CLMN: variants seen among roughly 807,000 people sequenced by gnomAD.
CLMN encodes the protein calmin.
A neutral mutation model predicts 92.7 loss-of-function variants in CLMN; 57 were observed. The observed-to-expected ratio is 0.61, with a 90% confidence interval of 0.50 to 0.77. The LOEUF (loss-of-function observed/expected upper bound fraction) is 0.77. Among genes scored for constraint, CLMN ranks in the 30% least tolerant of loss-of-function variants. The probability of loss-of-function intolerance (pLI) is 0.00; values close to 1 mark genes in which losing one functional copy is unlikely to be tolerated. For synonymous variants in CLMN, 466 were observed against 470.6 expected, an observed-to-expected ratio of 0.99 and a Z score of 0.13; for missense variants, 1,158 against 1,237.5, an observed-to-expected ratio of 0.94 and a Z score of 0.96.
rs1566877783 is a variant in CLMN at position 95,223,849 on chromosome 14, G to C, written c.151C>G (p.Pro51Ala). ...WINLHLEKCN[P>A]PLEVKDLFVD... ...AATAAATCTTTAACTTCTAGAGGTG[G>C]GTTGCACTTTGAAAGAGAAGGGAAG... Residue 51 changes from proline (P) to alanine (A), a missense_variant, in exon 3 of 13, where the codon CCA (proline) becomes GCA (alanine). Transcript: ENST00000298912. The C allele has an allele frequency of 6.2e-7, 1 of 1,610,680 alleles. No individual in the cohort carries two copies.
At chr14:95,282,954 G>C (rs1427453149) in intron 1 of CLMN, among the ~76,000 whole-genome samples, 2 of 152,224 alleles carry the variant, frequency 1.3e-5, no homozygotes, top group South Asian at 2.1e-4. Context: ...GACTGGGGAG[G>C]GGGAGGGACT....
intron 2 of CLMN, among the ~76,000 whole-genome samples, chr14:95,228,783 T>C (rs1469386995): frequency 1.3e-5 from 2 of 152,208 alleles, no homozygotes; most frequent in Non-Finnish European, 2.9e-5. Flanking sequence ...CAAGCGATTC[T>C]CCAGTCTCAG....
chr14:95,276,965 A>T (rs1191587749), intron 1 of CLMN, among the ~76,000 whole-genome samples: 1 of 149,910 alleles, frequency 6.7e-6, no homozygotes, highest in African/African-American at 2.5e-5. Flanking sequence ...TTTGGGTAAC[A>T]TGGCTTGGCC....
At chr14:95,242,857 A>T (rs777003222) in intron 1 of CLMN, among the ~76,000 whole-genome samples, 15 of 152,268 alleles carry the variant, frequency 9.9e-5, no homozygotes, top group East Asian at 9.6e-4. Flanking sequence ...ATGAGCCACC[A>T]CGCCCAGCCT....
chr14:95,196,468 C>G (rs200436718), intron 10 of CLMN, 30 bp downstream of exon 10: 5 of 1,592,520 alleles, frequency 3.1e-6, no homozygotes, highest in Non-Finnish European at 4.3e-6. Context: ...CTGGCTCCAC[C>G]TTACGGGTGA....
At chr14:95,224,103 G>A (rs1897635647) in intron 2 of CLMN, among the ~76,000 whole-genome samples, 1 of 152,204 alleles carries the variant, frequency 6.6e-6, no homozygotes, top group South Asian at 2.1e-4. Context: ...ATCGACAAGT[G>A]GCCCTTGGGG....
intron 2 of CLMN, among the ~76,000 whole-genome samples, chr14:95,224,459 T>A (rs965555500): frequency 6.6e-6 from 1 of 151,990 alleles, no homozygotes; most frequent in African/African-American, 2.4e-5. Context: ...ATTTTTGTGG[T>A]TTTAGTAGAG....
At chr14:95,262,515 C>T (rs1014984562) in intron 1 of CLMN, among the ~76,000 whole-genome samples, 1 of 152,148 alleles carries the variant, frequency 6.6e-6, no homozygotes, top group African/African-American at 2.4e-5. Flanking sequence ...GAGACAGTAT[C>T]GTATCCAATC....
intron 3 of CLMN, chr14:95,222,744 G>A (rs1205894864): frequency 2.8e-6 from 1 of 356,676 alleles, no homozygotes; most frequent in East Asian, 7.9e-5. Flanking sequence ...TGAATACTGC[G>A]TAGCCCTCTG....
At chr14:95,226,545 T>C (rs1029085389) in intron 2 of CLMN, among the ~76,000 whole-genome samples, 2 of 152,142 alleles carry the variant, frequency 1.3e-5, no homozygotes, top group Non-Finnish European at 2.9e-5. Flanking sequence ...ACAGAATCTC[T>C]GGGAGCAGGG....
intron 1 of CLMN, among the ~76,000 whole-genome samples, chr14:95,271,195 T>C (rs139355754): frequency 1.2e-4 from 19 of 152,374 alleles, no homozygotes; most frequent in African/African-American, 4.3e-4. Flanking sequence ...CTTTATTCAT[T>C]GTGGATACAG....
intron 1 of CLMN, among the ~76,000 whole-genome samples, chr14:95,287,370 T>C (rs1306888441): frequency 1.3e-5 from 2 of 152,220 alleles, no homozygotes; most frequent in Non-Finnish European, 2.9e-5. Context: ...ATGCTGGGCC[T>C]GCCTCAACCT....
At chr14:95,193,149 TA>T (rs1337459938) in intron 12 of CLMN, 2 of 551,534 alleles carry the variant, frequency 3.6e-6, no homozygotes, top group Admixed American at 6.6e-5. Flanking sequence ...TAAAATTTTT[TA>T]AAAATAAAAA....
intron 1 of CLMN, among the ~76,000 whole-genome samples, chr14:95,309,576 T>A (rs1901438915): frequency 6.6e-6 from 1 of 152,226 alleles, no homozygotes; most frequent in African/African-American, 2.4e-5. Flanking sequence ...AAAGAGTCTG[T>A]TGGCTCAAGC....
At position 95,311,284 on chromosome 14, in the gene CLMN, G is replaced by A. The variant is rs1162186068; in HGVS notation, c.82+8427C>T. ...GCTTTTAAGTATGTCATACCATAGA[G>A]GATTAAAAATAGTTTTAAAAAGGAG... On this transcript the variant is annotated intron_variant, in intron 1 of 12. Transcript: ENST00000298912. Among the ~76,000 whole-genome samples the A allele has an allele frequency of 3.9e-5, 6 of 152,196 alleles. No individual in the cohort carries two copies. In the East Asian group the frequency reaches 5.8e-4, roughly 15 times the overall value.
At chr14:95,277,042 T>C (rs1349930115) in intron 1 of CLMN, among the ~76,000 whole-genome samples, 3 of 152,054 alleles carry the variant, frequency 2.0e-5, no homozygotes, top group Non-Finnish European at 4.4e-5. Flanking sequence ...CCCAGAAACC[T>C]GGCACACTGG....
At chr14:95,196,949 A>T (rs1040516934) in intron 9 of CLMN, among the ~76,000 whole-genome samples, 4 of 152,238 alleles carry the variant, frequency 2.6e-5, no homozygotes, top group Non-Finnish European at 5.9e-5. Context: ...AGAGTTGGCA[A>T]GATCTGATTT....
chr14:95,277,099 T>G (rs1899961197), intron 1 of CLMN, among the ~76,000 whole-genome samples: 1 of 152,036 alleles, frequency 6.6e-6, no homozygotes, highest in Admixed American at 6.5e-5. Context: ...CCTCTCTCTG[T>G]GCAAACTGGT....
At chr14:95,304,394 G>A (rs1388463166) in intron 1 of CLMN, among the ~76,000 whole-genome samples, 1 of 151,960 alleles carries the variant, frequency 6.6e-6, no homozygotes, top group Non-Finnish European at 1.5e-5. Flanking sequence ...AAGGAAGGAT[G>A]AAAACCAAGC....
Sources: allele counts gnomAD v4.1 joint callset (sites outside exome capture counted in the v4.1 genomes callset), GRCh38; gene constraint gnomAD v4.1.1; transcripts MANE v1.5; gene names NCBI Gene and HGNC (gene_info 2026-07-23, HGNC 2026-07-21).